The following TXNDC16 variants were observed in gnomAD, a reference collection of about 807,000 sequenced individuals.
The protein encoded by TXNDC16 is thioredoxin domain-containing protein 16.
Under a neutral mutation model 85.6 loss-of-function variants are expected in TXNDC16, and 74 were observed. That is an observed-to-expected ratio of 0.86 (90% confidence interval 0.72 to 1.05). The LOEUF is 1.05. Ranked by LOEUF, TXNDC16 falls within the 50% of genes least tolerant of loss-of-function variation. The pLI, the probability that TXNDC16 is intolerant of heterozygous loss-of-function variation, is 0.00. For missense variants in TXNDC16, 959 were observed against 947.0 expected, an observed-to-expected ratio of 1.01 and a Z score of -0.17; for synonymous variants, 335 against 326.5, an observed-to-expected ratio of 1.03 and a Z score of -0.28.
intron 7 of TXNDC16, 58 bp from the exon 8 acceptor site, chr14:52,515,028 G>A (rs1277142989): frequency 1.8e-5 from 23 of 1,277,008 alleles, no homozygotes; most frequent in Non-Finnish European, 2.4e-5. Flanking sequence ...GTGACTCTAT[G>A]TAAACTTCTA....
intron 6 of TXNDC16, among the ~76,000 whole-genome samples, chr14:52,521,203 C>T (rs897023539): frequency 6.6e-6 from 1 of 151,886 alleles, no homozygotes; most frequent in Non-Finnish European, 1.5e-5. Context: ...ACCTCCCCAC[C>T]CTGGGTTCAA....
At chr14:52,527,923 GA>G (rs145029847) in intron 6 of TXNDC16, among the ~76,000 whole-genome samples, 14,647 of 151,976 alleles carry the variant, frequency 0.096, 821 homozygotes, top group East Asian at 0.17. Flanking sequence ...ATCAATCTGA[GA>G]AAATTTTAAT....
At position 52,482,964 on chromosome 14, in the gene TXNDC16, A is replaced by T. The variant is rs765173558; in HGVS notation, c.1110T>A (p.Asp370Glu). 11 of 1,597,686 alleles carry T rather than the reference A, an allele frequency of 6.9e-6. No individual in the cohort carries two copies. The highest frequency in any genetic ancestry group is 6.8e-6 in the Non-Finnish European group (8 of 1,176,116). The change falls in exon 13 of 21, where the codon GAT becomes GAA. Residue 370 changes from aspartate to glutamate, a missense_variant and splice_region_variant. Transcript: ENST00000281741. The stretch of plus-strand genomic sequence containing the variant: ...TTTCTGCCACTTCATCATCCTGAAC[A>T]TCTAAAATGTTGGAAAAGAAATTAA... ...EDNDMEGPDIDVQDDEVAETV... is the reference protein window; with the variant it reads ...EDNDMEGPDIEVQDDEVAETV...
chr14:52,435,119 T>C (rs1225759655), intron 20 of TXNDC16, among the ~76,000 whole-genome samples: 1 of 152,206 alleles, frequency 6.6e-6, no homozygotes, highest in Non-Finnish European at 1.5e-5. Flanking sequence ...AACTATGTGA[T>C]GTATTCAGAG....
chr14:52,452,728 T>C (rs925446119), intron 18 of TXNDC16, among the ~76,000 whole-genome samples: 1 of 152,132 alleles, frequency 6.6e-6, no homozygotes, highest in Admixed American at 6.6e-5. Context: ...ATGAAACTAC[T>C]ACAAGAAAAC....
At chr14:52,542,765 C>T (rs1002948772) in intron 3 of TXNDC16, among the ~76,000 whole-genome samples, 1 of 152,102 alleles carries the variant, frequency 6.6e-6, no homozygotes, top group Non-Finnish European at 1.5e-5. Flanking sequence ...ACACAACACA[C>T]ATGTACACAT....
intron 10 of TXNDC16, 99 bp downstream of exon 10, chr14:52,490,740 G>T (rs2036380869): frequency 7.7e-7 from 1 of 1,297,706 alleles, no homozygotes; most frequent in East Asian, 2.4e-5. Context: ...ATCTATTAGA[G>T]ATTTGAGTTT....
intron 5 of TXNDC16, 81 bp from the exon 6 acceptor site, chr14:52,536,874 T>C: frequency 8.4e-7 from 1 of 1,183,484 alleles, no homozygotes; most frequent in East Asian, 2.6e-5. Context: ...GTCTATCAAA[T>C]ACATTAGCTT....
intron 9 of TXNDC16, among the ~76,000 whole-genome samples, chr14:52,501,650 G>A (rs1457677350): frequency 6.6e-6 from 1 of 152,156 alleles, no homozygotes; most frequent in African/African-American, 2.4e-5. Flanking sequence ...CTACTAATAA[G>A]AACCTGTAAG....
chr14:52,534,311 C>T (rs1478971267), intron 6 of TXNDC16, among the ~76,000 whole-genome samples: 1 of 152,164 alleles, frequency 6.6e-6, no homozygotes, highest in Non-Finnish European at 1.5e-5. Flanking sequence ...CAAGCTTGTC[C>T]AACCTGTGGC....
intron 6 of TXNDC16, among the ~76,000 whole-genome samples, chr14:52,533,045 T>A (rs1024800449): frequency 3.3e-5 from 5 of 152,180 alleles, no homozygotes; most frequent in African/African-American, 1.2e-4. Context: ...GATATTTATT[T>A]TTTTTCTCTC....
At chr14:52,504,460 C>T (rs2036741858) in intron 9 of TXNDC16, among the ~76,000 whole-genome samples, 1 of 152,062 alleles carries the variant, frequency 6.6e-6, no homozygotes, top group Admixed American at 6.6e-5. Flanking sequence ...ATTTCATATC[C>T]AGCCAAACTA....
chr14:52,469,952 T>C (rs2035864527), intron 16 of TXNDC16, 85 bp downstream of exon 16: 9 of 1,289,704 alleles, frequency 7.0e-6, no homozygotes, highest in Admixed American at 2.7e-5. Context: ...AAATTCTCTA[T>C]AATTTAAAAA....
intron 14 of TXNDC16, among the ~76,000 whole-genome samples, chr14:52,471,199 C>G (rs972198438): frequency 6.6e-6 from 1 of 151,918 alleles, no homozygotes; most frequent in Admixed American, 6.6e-5. Context: ...TCTTTCATAC[C>G]TCTCCATTCC....
intron 6 of TXNDC16, among the ~76,000 whole-genome samples, chr14:52,530,375 A>T (rs374009069): frequency 0.015 from 297 of 20,024 alleles, 14 homozygotes; most frequent in Middle Eastern, 0.056. Flanking sequence ...TTATTATATA[A>T]TATTATATAT....
intron 12 of TXNDC16, among the ~76,000 whole-genome samples, chr14:52,484,201 G>GT (rs1024404203): frequency 6.6e-6 from 1 of 150,872 alleles, no homozygotes; most frequent in Non-Finnish European, 1.5e-5. Flanking sequence ...AACAATAAGG[G>GT]GGGGGGGTGA....
At position 52,508,373 on chromosome 14, in the gene TXNDC16, C is replaced by T. The variant is rs560985925; in HGVS notation, c.756+2867G>A. On this transcript the variant is annotated intron_variant, in intron 9 of 20. Coordinates refer to ENST00000281741, the MANE Select transcript of TXNDC16 (RefSeq NM_020784.3). Reference sequence around the variant, plus strand: ...AATCAAAACCACAATGAGATACCGTCTCACATCAGTTAGAATGGCGATCAT... The same window carrying T: ...AATCAAAACCACAATGAGATACCGTTTCACATCAGTTAGAATGGCGATCAT... Among the ~76,000 whole-genome samples the T allele has an allele frequency of 1.4e-3, 208 of 152,336 alleles. 1 individual carries two copies. Among genetic ancestry groups the T allele is most frequent in the African/African-American group, 4.9e-3 (205 of 41,564 alleles).
chr14:52,481,140 A>AT (rs1361567257), intron 14 of TXNDC16, among the ~76,000 whole-genome samples: 2 of 151,852 alleles, frequency 1.3e-5, no homozygotes, highest in Non-Finnish European at 2.9e-5. Context: ...GAGCTAAGCT[A>AT]TGAGGATGCA....
rs2036580766 is a variant in TXNDC16, at chr14:52,498,396, C to A, written c.757-7391G>T. ...GTAATAGGATCTTATATGTGCAAAA[C>A]CCTAAAGATCACACACACACACACA... On this transcript the variant is annotated intron_variant, in intron 9 of 20. Transcript: ENST00000281741. Among the ~76,000 whole-genome samples, 3 of 141,642 alleles carry A rather than the reference C, an allele frequency of 2.1e-5. No homozygotes were observed. In the South Asian group the frequency reaches 7.1e-4, roughly 34 times the overall value. 92.9% of individuals were successfully genotyped at this position (141,642 alleles called of 152,430 possible). A position where few individuals can be genotyped will look rare whatever the true frequency, so the allele number is the denominator to read the frequency against.
Sources: gnomAD v4.1 joint callset for allele counts (sites outside exome capture counted in the v4.1 genomes callset) on GRCh38, gnomAD v4.1.1 for gene constraint, MANE v1.5 for transcripts, NCBI Gene and HGNC (gene_info 2026-07-23, HGNC 2026-07-21) for gene names.